The following HDAC4 variants were observed in gnomAD, a reference collection of about 807,000 sequenced individuals.
HDAC4 encodes the protein histone deacetylase A.
In HDAC4, 16 loss-of-function variants were observed where a neutral mutation model predicts 135.1. That is an observed-to-expected ratio of 0.12 (90% CI 0.08 to 0.18). HDAC4 has a LOEUF of 0.18. Ranked by LOEUF, HDAC4 falls within the 10% of genes least tolerant of loss-of-function variation. The probability of loss-of-function intolerance (pLI) is 1.00; values close to 1 mark genes in which losing one functional copy is unlikely to be tolerated. For synonymous variants in HDAC4, 685 were observed against 653.4 expected (o/e 1.05, Z -0.74); for missense variants, 1,143 against 1,511.8 (o/e 0.76, Z 4.05).
chr2:239,120,239 G>T (rs890185651), intron 12 of HDAC4, among the ~76,000 whole-genome samples: 1 of 152,208 alleles, frequency 6.6e-6, no homozygotes, highest in Non-Finnish European at 1.5e-5. Context: ...TCAAAGCTGG[G>T]AGCACAGAGG....
chr2:239,252,877 C>T (rs752637956), intron 2 of HDAC4, among the ~76,000 whole-genome samples: 2 of 152,228 alleles, frequency 1.3e-5, no homozygotes, highest in Admixed American at 6.5e-5. Context: ...CCCTCCCTGA[C>T]GCACACACCC....
At chr2:239,269,633 G>A (rs763168491) in intron 2 of HDAC4, among the ~76,000 whole-genome samples, 5 of 152,198 alleles carry the variant, frequency 3.3e-5, no homozygotes, top group Non-Finnish European at 7.3e-5. Context: ...TGGCCACTGC[G>A]AGCCCGTGCG....
rs1167670604 is a variant in HDAC4, at chr2:239,249,786, A to AG, written c.23-13123_23-13122insC. On this transcript the variant is annotated intron_variant, in intron 2 of 26. Transcript: ENST00000543185. ...TTAGCTGAGCTATTAAAGAAAAAAA[A>AG]AAAACAAGGAGCTGAATATTAAGTG... 5.3e-5 allele frequency among the ~76,000 whole-genome samples: 8 copies of AG among 151,816 alleles called. No homozygotes were observed. The East Asian group carries it at 1.5e-3, about 29-fold the overall frequency.
chr2:239,300,882 G>A (rs778237092), intron 2 of HDAC4, among the ~76,000 whole-genome samples: 1 of 152,368 alleles, frequency 6.6e-6, no homozygotes, highest in East Asian at 1.9e-4. Context: ...TCGTGTCCAC[G>A]CAGTGCCAGG....
chr2:239,265,161 G>T (rs893159088), intron 2 of HDAC4, among the ~76,000 whole-genome samples: 1 of 152,168 alleles, frequency 6.6e-6, no homozygotes, highest in African/African-American at 2.4e-5. Flanking sequence ...GCTGCTCCAG[G>T]TCACCCTTAA....
At chr2:239,384,422 T>A (rs1695641426) in intron 1 of HDAC4, among the ~76,000 whole-genome samples, 1 of 135,486 alleles carries the variant, frequency 7.4e-6, no homozygotes, top group African/African-American at 2.8e-5. Flanking sequence ...AAGACCAGCC[T>A]GGACAACATA....
intron 2 of HDAC4, among the ~76,000 whole-genome samples, chr2:239,275,269 G>A (rs1258118399): frequency 6.6e-6 from 1 of 152,254 alleles, no homozygotes; most frequent in Non-Finnish European, 1.5e-5. Flanking sequence ...CCACGCTGGA[G>A]CCAGGCTGCC....
At position 239,156,696 on chromosome 2, in the gene HDAC4, A is replaced by G. The variant is rs762924792; in HGVS notation, c.689T>C (p.Leu230Pro). 3 of 1,614,142 alleles carry G rather than the reference A, an allele frequency of 1.9e-6. No individual in the cohort carries two copies. The highest frequency in any genetic ancestry group is 2.5e-6 in the Non-Finnish European group (3 of 1,180,032). Residue 230 changes from leucine (L) to proline (P), a missense_variant, in exon 7 of 27, where the codon CTG becomes CCG. Coordinates refer to ENST00000543185, the MANE Select transcript of HDAC4 (RefSeq NM_001378414.1). Reference sequence around the variant, plus strand: ...GTCATCTTTGGCGTCGTACATTCCCAGGACCGGGTGGTTATAGGAGGTCGA... The same window carrying G: ...GTCATCTTTGGCGTCGTACATTCCCGGGACCGGGTGGTTATAGGAGGTCGA... ...GVSTSYNHPVLGMYDAKDDFP... is the reference protein window; with the variant it reads ...GVSTSYNHPVPGMYDAKDDFP...
chr2:239,228,045 A>G (rs898504568), intron 3 of HDAC4, among the ~76,000 whole-genome samples: 3 of 152,210 alleles, frequency 2.0e-5, no homozygotes, highest in African/African-American at 7.2e-5. Context: ...AGGGATGGGA[A>G]GGTGGAAGGG....
chr2:239,334,433 A>C (rs547513438), intron 2 of HDAC4, among the ~76,000 whole-genome samples: 1 of 152,236 alleles, frequency 6.6e-6, no homozygotes, highest in African/African-American at 2.4e-5. Flanking sequence ...AGGCACGAGA[A>C]CTGCTTGAGC....
chr2:239,196,253 G>C (rs2045371892), intron 3 of HDAC4, among the ~76,000 whole-genome samples: 1 of 152,150 alleles, frequency 6.6e-6, no homozygotes. Context: ...TTATTGTGCA[G>C]TGTGCCATCC....
At chr2:239,194,303 G>GAATTCTTTAAT (rs2045215776) in intron 3 of HDAC4, among the ~76,000 whole-genome samples, 2 of 152,204 alleles carry the variant, frequency 1.3e-5, no homozygotes, top group South Asian at 4.1e-4. Context: ...TGTTCCTTAA[G>GAATTCTTTAAT]CTGTTTTCTT....
intron 19 of HDAC4, 152 bp downstream of exon 19, chr2:239,087,407 A>G (rs1049420453): frequency 4.2e-6 from 3 of 712,116 alleles, no homozygotes; most frequent in Non-Finnish European, 7.4e-6. Flanking sequence ...CTCCACACCC[A>G]GGAGCTGGAG....
rs192009572 is a variant in HDAC4, at chr2:239,337,466, G to A, written c.22+15212C>T. The stretch of plus-strand genomic sequence containing the variant: ...GCTGCAAACTTCCTCTCTCTAACAG[G>A]AAGAAATCAGGACTCACGGGAGTAA... On this transcript the variant is annotated intron_variant, in intron 2 of 26. Coordinates refer to ENST00000543185, the MANE Select transcript of HDAC4 (RefSeq NM_001378414.1). Among the ~76,000 whole-genome samples the A allele has an allele frequency of 1.1e-4, 16 of 152,262 alleles. No individual in the cohort carries two copies. In the South Asian group the frequency reaches 2.3e-3, roughly 22 times the overall value.
rs563115985 is a variant in HDAC4 at position 239,360,437 on chromosome 2, C to T, written c.-219-7519G>A. On this transcript the variant is annotated intron_variant, in intron 1 of 26. Transcript: ENST00000543185. ...CCACAGACAGGACCTTCAGGGTCTG[C>T]CCAGGCACCCTGCCTTCCTGCAGCA... Among the ~76,000 whole-genome samples, 9 of 152,308 alleles carry T rather than the reference C, an allele frequency of 5.9e-5. No individual in the cohort carries two copies. The East Asian group carries it at 1.7e-3, about 29-fold the overall frequency.
At chr2:239,289,594 G>C (rs1465741487) in intron 2 of HDAC4, among the ~76,000 whole-genome samples, 1 of 152,068 alleles carries the variant, frequency 6.6e-6, no homozygotes, top group Non-Finnish European at 1.5e-5. Context: ...TTTTCTTCTG[G>C]AAATCCAGGC....
intron 9 of HDAC4, among the ~76,000 whole-genome samples, chr2:239,137,706 A>C (rs2041071079): frequency 6.6e-6 from 1 of 152,252 alleles, no homozygotes; most frequent in East Asian, 1.9e-4. Context: ...GAGAACGGAG[A>C]GCCAGCCCCT....
intron 6 of HDAC4, among the ~76,000 whole-genome samples, chr2:239,161,599 A>G (rs897367407): frequency 5.3e-5 from 8 of 152,186 alleles, no homozygotes; most frequent in African/African-American, 1.9e-4. Context: ...ACCAGGCTCC[A>G]GGAAAACAAA....
Position 239,318,009 on chromosome 2 carries a change from G to A in HDAC4, c.22+34669C>T, listed in dbSNP as rs182543040. 4.6e-5 allele frequency among the ~76,000 whole-genome samples: 7 copies of A among 152,046 alleles called. No individual in the cohort carries two copies. The East Asian group carries it at 7.7e-4, about 17-fold the overall frequency. On this transcript the variant is annotated intron_variant, in intron 2 of 26. Transcript: ENST00000543185. Reference sequence around the variant, plus strand: ...CTCCTGAGGTTAATGAGGGCTTCCCGTCCTGAATGTAGCAAGAACGGTGAC... The same window carrying A: ...CTCCTGAGGTTAATGAGGGCTTCCCATCCTGAATGTAGCAAGAACGGTGAC...
Sources: gnomAD v4.1 joint callset for allele counts (sites outside exome capture counted in the v4.1 genomes callset) on GRCh38, gnomAD v4.1.1 for gene constraint, MANE v1.5 for transcripts, NCBI Gene and HGNC (gene_info 2026-07-23, HGNC 2026-07-21) for gene names.